ACACA: variants seen among roughly 807,000 people sequenced by gnomAD.
ACACA encodes acetyl-CoA carboxylase 1.
Under a neutral mutation model 296.1 loss-of-function variants are expected in ACACA, and 103 were observed. That is an observed-to-expected ratio of 0.35 (90% CI 0.30 to 0.41). The LOEUF (loss-of-function observed/expected upper bound fraction) is 0.41. Ranked by LOEUF, ACACA falls within the 10% of genes least tolerant of loss-of-function variation. ACACA has a pLI of 1.00. For missense variants in ACACA, 1,554 were observed against 2,989.7 expected (o/e 0.52, Z 11.20); for synonymous variants, 953 against 1,038.6 (o/e 0.92, Z 1.58).
At chr17:37,109,207 A>G (rs1442791958) in intron 52 of ACACA, among the ~76,000 whole-genome samples, 1 of 152,246 alleles carries the variant, frequency 6.6e-6, no homozygotes, top group African/African-American at 2.4e-5. Context: ...AGCTGCCCGT[A>G]TAGGATATCC....
At chr17:37,142,789 C>T (rs1347098850) in intron 45 of ACACA, among the ~76,000 whole-genome samples, 7 of 152,124 alleles carry the variant, frequency 4.6e-5, no homozygotes, top group African/African-American at 1.4e-4. Context: ...TTCCAAAGTG[C>T]GTTGATTGTT....
intron 1 of ACACA, among the ~76,000 whole-genome samples, chr17:37,381,673 G>C (rs1302030524): frequency 1.4e-5 from 2 of 147,062 alleles, no homozygotes; most frequent in Non-Finnish European, 3.0e-5. Flanking sequence ...CGTTGCCCAG[G>C]CTGGAGTGCA....
intron 1 of ACACA, chr17:37,391,971 G>A (rs961421795): frequency 4.3e-5 from 22 of 511,228 alleles, no homozygotes; most frequent in Non-Finnish European, 7.3e-5. Flanking sequence ...CCCCTCAAAC[G>A]AGAACAAAAA....
intron 38 of ACACA, among the ~76,000 whole-genome samples, chr17:37,188,995 T>C (rs2077643758): frequency 6.6e-6 from 1 of 152,200 alleles, no homozygotes; most frequent in African/African-American, 2.4e-5. Context: ...ATTGCACAAA[T>C]TAAAGAAAGG....
chr17:37,181,316 T>C lies in ACACA; in HGVS notation c.4817A>G (p.His1606Arg). 1 of 1,614,060 alleles carries C rather than the reference T, an allele frequency of 6.2e-7. No homozygotes were observed. The change falls in exon 40 of 56, where the codon CAT becomes CGT. Residue 1606 changes from histidine (H) to arginine (R), a missense_variant. This residue lies in a region of ACACA where 553 missense variants were observed against 1,043.6 expected (regional missense o/e 0.53). Transcript: ENST00000616317. ...ATATGGAGTATTGATTAACATTCCA[T>C]GCAGTGGTCCCTGTTTGTCTCCATA... ...QAYGDKQGPL[H>R]GMLINTPYVT...
At position 37,184,777 on chromosome 17, in the gene ACACA, A is replaced by G. The variant is rs533945404; in HGVS notation, c.4777-3421T>C. On this transcript the variant is annotated intron_variant, in intron 39 of 55. Transcript: ENST00000616317. ...GGTGGAAGGACTGCTTGAGCCAAGG[A>G]GGTCGAGGCTGTGGTCAGCTATGAT... 8.7e-5 allele frequency among the ~76,000 whole-genome samples: 13 copies of G among 150,258 alleles called. No homozygotes were observed. The East Asian group carries it at 2.6e-3, about 30-fold the overall frequency.
chr17:37,404,434 G>A (rs1222867749), intron 1 of ACACA, among the ~76,000 whole-genome samples: 1 of 151,928 alleles, frequency 6.6e-6, no homozygotes, highest in Non-Finnish European at 1.5e-5. Context: ...TGCCTAGACT[G>A]GTCTCAAACT....
chr17:37,284,738 G>A, intron 4 of ACACA, 100 bp downstream of exon 4: 1 of 1,530,646 alleles, frequency 6.5e-7, no homozygotes, highest in Non-Finnish European at 9.0e-7. Flanking sequence ...AAGCCTCTGA[G>A]AAACTAAATA....
intron 1 of ACACA, among the ~76,000 whole-genome samples, chr17:37,403,573 T>C (rs1000763885): frequency 2.0e-5 from 3 of 151,772 alleles, no homozygotes; most frequent in Admixed American, 2.0e-4. Flanking sequence ...AGTTTCACCA[T>C]GTTGCCCAGT....
chr17:37,241,954 T>C lies in ACACA; in HGVS notation c.3031A>G (p.Arg1011Gly). Residue 1011 changes from arginine (R) to glycine (G), a missense_variant and splice_region_variant, in exon 23 of 56, where the codon AGG becomes GGG. Around this residue, in one of 16 missense-constraint regions of ACACA, gnomAD observed 316 missense variants for 540.9 expected, o/e 0.58. Coordinates refer to ENST00000616317, the MANE Select transcript of ACACA (RefSeq NM_198834.3). ...GAATCTGGAGTTACAAGTTACTACCTCTGTACCAGCTGAACAATGCTCTGA... is the reference window on the plus strand; with the variant it reads ...GAATCTGGAGTTACAAGTTACTACCCCTGTACCAGCTGAACAATGCTCTGA... ...NTQSIVQLVQ[R>G]YRSGIRGHMK... 1 of 1,612,600 alleles carries C rather than the reference T, an allele frequency of 6.2e-7. No homozygotes were observed. The highest frequency in any genetic ancestry group is 8.5e-7 in the Non-Finnish European group (1 of 1,178,818).
intron 52 of ACACA, among the ~76,000 whole-genome samples, chr17:37,101,345 C>T (rs1277339445): frequency 6.6e-6 from 1 of 152,198 alleles, no homozygotes; most frequent in Non-Finnish European, 1.5e-5. Context: ...CTATCCAATG[C>T]ATACAATCAA....
At chr17:37,219,832 C>A (rs1401141660) in intron 29 of ACACA, among the ~76,000 whole-genome samples, 1 of 150,954 alleles carries the variant, frequency 6.6e-6, no homozygotes, top group Non-Finnish European at 1.5e-5. Flanking sequence ...ATGATCAAAC[C>A]TGATCATTTG....
At chr17:37,380,900 T>G (rs1394144448) in intron 1 of ACACA, among the ~76,000 whole-genome samples, 1 of 147,266 alleles carries the variant, frequency 6.8e-6, no homozygotes, top group African/African-American at 2.5e-5. Context: ...CTGGCCAGGT[T>G]TTTTTTTTTT....
chr17:37,276,454 A>C (rs974104310), intron 7 of ACACA, among the ~76,000 whole-genome samples: 5 of 152,214 alleles, frequency 3.3e-5, no homozygotes, highest in Admixed American at 2.6e-4. Context: ...TCTTAGGGGA[A>C]CCCAAAAAGG....
rs761990660 is a variant in ACACA, at chr17:37,096,989, C to G, written c.6891+7G>C. 2 of 1,614,082 alleles carry G rather than the reference C, an allele frequency of 1.2e-6. No individual in the cohort carries two copies. The highest frequency in any genetic ancestry group is 1.7e-6 in the Non-Finnish European group (2 of 1,180,034). On this transcript the variant is annotated splice_region_variant and intron_variant, in intron 54 of 55. Transcript: ENST00000616317. ...CAAAAAGGCTTCTCTTTGAGTGTCC[C>G]ACCTACCTTCACTGTTCCTTCCACT...
intron 3 of ACACA, 67 bp downstream of exon 3, chr17:37,330,106 T>C (rs1221821682): frequency 6.3e-7 from 1 of 1,596,308 alleles, no homozygotes; most frequent in Admixed American, 1.7e-5. Context: ...TCCTTGCTCT[T>C]TTCAGAACAT....
intron 16 of ACACA, among the ~76,000 whole-genome samples, chr17:37,250,851 C>A (rs1055255429): frequency 6.6e-6 from 1 of 151,734 alleles, no homozygotes; most frequent in African/African-American, 2.4e-5. Flanking sequence ...CGGTGAAACC[C>A]TGTCTCTAAT....
At chr17:37,277,409 G>A (rs757423264) in intron 6 of ACACA, among the ~76,000 whole-genome samples, 3 of 152,182 alleles carry the variant, frequency 2.0e-5, no homozygotes, top group Non-Finnish European at 2.9e-5. Flanking sequence ...TGTAAAGGGC[G>A]TTTTCTAGAA....
At chr17:37,187,826 A>C (rs1434104127) in intron 39 of ACACA, among the ~76,000 whole-genome samples, 1 of 152,226 alleles carries the variant, frequency 6.6e-6, no homozygotes, top group Non-Finnish European at 1.5e-5. Flanking sequence ...CCACTATACT[A>C]TGTTGAAATT....
Sources: gnomAD v4.1 joint callset for allele counts (sites outside exome capture counted in the v4.1 genomes callset) on GRCh38, gnomAD v4.1.1 for gene constraint, gnomAD v4.1.1 regional missense constraint, MANE v1.5 for transcripts, NCBI Gene and HGNC (gene_info 2026-07-23, HGNC 2026-07-21) for gene names.